The following RANBP17 variants were observed in gnomAD, a reference collection of about 807,000 sequenced individuals.
RANBP17 encodes RAN binding protein 17.
A neutral mutation model predicts 141.2 loss-of-function variants in RANBP17; 158 were observed. The observed-to-expected ratio is 1.12, with a 90% confidence interval of 0.98 to 1.28. The LOEUF is 1.28. RANBP17 is among the 50% of genes most tolerant of loss of function. The pLI, the probability that RANBP17 is intolerant of heterozygous loss-of-function variation, is 0.00. For missense variants in RANBP17, 1,438 were observed against 1,290.7 expected, an observed-to-expected ratio of 1.11 and a Z score of -1.75; for synonymous variants, 430 against 450.0, an observed-to-expected ratio of 0.96 and a Z score of 0.56.
In RANBP17 at chr5:171,265,750, CA is replaced by C. The variant is rs867879457; in HGVS notation, c.2850del (p.Glu951ArgfsTer32). On this transcript the variant is annotated frameshift_variant, in exon 25 of 28. Coordinates refer to ENST00000523189, the MANE Select transcript of RANBP17 (RefSeq NM_022897.5). LOFTEE classifies it high-confidence loss of function. ...YIVTYLFKHIAKEGKKPLRCR... is the reference protein window; with the variant it reads ...YIVTYLFKHIXKEGKKPLRCR... ...GTCACCTACCTCTTCAAGCACATAG[CA>C]AAAGAGGGCAAGAAGCCACTTCGAT... 8.7e-6 allele frequency: 14 copies of C among 1,613,914 alleles called. No individual in the cohort carries two copies. The highest frequency in any genetic ancestry group is 1.3e-5 in the African/African-American group (1 of 74,902).
chr5:171,006,494 G>T (rs1472566460), intron 14 of RANBP17, among the ~76,000 whole-genome samples: 1 of 151,958 alleles, frequency 6.6e-6, no homozygotes, highest in Non-Finnish European at 1.5e-5. Context: ...ACTATCGCAA[G>T]GACAAAAAAC....
chr5:171,059,479 T>C (rs1333630899), intron 14 of RANBP17, among the ~76,000 whole-genome samples: 122 of 152,036 alleles, frequency 8.0e-4, no homozygotes, highest in Admixed American at 2.0e-3. Context: ...GTTGTAGATA[T>C]GCAGCGTTAT....
chr5:170,920,511 CTTT>C lies in RANBP17; in HGVS notation c.1274+909_1274+911del, dbSNP rs35922124. Among the ~76,000 whole-genome samples, 15 of 144,834 alleles carry C rather than the reference CTTT, an allele frequency of 1.0e-4. No individual in the cohort carries two copies. In the East Asian group the frequency reaches 3.0e-3, roughly 29 times the overall value. ...ATTTTTTAATTGGGTTGTATATTTTCTTTTTTTTTTTTTATATTGAGATTTGAG... is the reference window on the plus strand; with the variant it reads ...ATTTTTTAATTGGGTTGTATATTTTCTTTTTTTTTTATATTGAGATTTGAG... On this transcript the variant is annotated intron_variant, in intron 11 of 27. Transcript: ENST00000523189.
At chr5:171,055,410 A>C (rs1783276214) in intron 14 of RANBP17, among the ~76,000 whole-genome samples, 1 of 152,176 alleles carries the variant, frequency 6.6e-6, no homozygotes, top group Non-Finnish European at 1.5e-5. Flanking sequence ...TCCCATTTTT[A>C]TTAAAGACAA....
At chr5:171,182,270 A>G (rs1215005504) in intron 16 of RANBP17, among the ~76,000 whole-genome samples, 1 of 152,238 alleles carries the variant, frequency 6.6e-6, no homozygotes, top group Non-Finnish European at 1.5e-5. Flanking sequence ...AAAACACATG[A>G]CTATGGTAGA....
At chr5:170,907,222 T>G (rs1232122169) in intron 5 of RANBP17, among the ~76,000 whole-genome samples, 1 of 151,898 alleles carries the variant, frequency 6.6e-6, no homozygotes, top group Non-Finnish European at 1.5e-5. Context: ...CTGGAGTATA[T>G]TCACTATCCA....
chr5:171,298,725 C>T, intron 27 of RANBP17, 37 bp from the exon 28 acceptor site: 11 of 1,533,412 alleles, frequency 7.2e-6, no homozygotes, highest in Middle Eastern at 1.7e-4. Flanking sequence ...GGCTTTGCCT[C>T]ATTACTACCC....
intron 14 of RANBP17, among the ~76,000 whole-genome samples, chr5:171,013,457 G>C (rs992298842): frequency 1.3e-5 from 2 of 152,096 alleles, no homozygotes; most frequent in Non-Finnish European, 2.9e-5. Flanking sequence ...TCATTTCTCA[G>C]CCTGTTCTAG....
At chr5:171,030,673 A>G (rs559541621) in intron 14 of RANBP17, among the ~76,000 whole-genome samples, 2 of 152,180 alleles carry the variant, frequency 1.3e-5, no homozygotes, top group East Asian at 3.9e-4. Context: ...TAGAAATCTC[A>G]ACATTAAACC....
At chr5:171,280,519 A>T (rs190814741) in intron 25 of RANBP17, among the ~76,000 whole-genome samples, 414 of 152,216 alleles carry the variant, frequency 2.7e-3, no homozygotes, top group Non-Finnish European at 3.9e-3. Flanking sequence ...AGCTGAAGTG[A>T]TCCACCCACC....
intron 12 of RANBP17, 89 bp from the exon 13 acceptor site, chr5:170,953,508 A>T: frequency 1.3e-6 from 1 of 768,668 alleles, no homozygotes; most frequent in African/African-American, 1.8e-5. Context: ...GGAAGAACAG[A>T]TCATTGTGCT....
chr5:170,960,807 C>T (rs1412213717), intron 13 of RANBP17, among the ~76,000 whole-genome samples: 1 of 152,212 alleles, frequency 6.6e-6, no homozygotes. Flanking sequence ...CTGGCTCCTG[C>T]CTGTCCCATT....
At chr5:170,967,290 A>G (rs956528009) in intron 13 of RANBP17, among the ~76,000 whole-genome samples, 3 of 152,086 alleles carry the variant, frequency 2.0e-5, no homozygotes, top group Non-Finnish European at 4.4e-5. Flanking sequence ...CATATAAACT[A>G]TTAATAATGT....
intron 14 of RANBP17, among the ~76,000 whole-genome samples, chr5:171,119,511 G>A (rs1755870566): frequency 6.6e-6 from 1 of 152,074 alleles, no homozygotes; most frequent in South Asian, 2.1e-4. Context: ...TTTCTTTGTT[G>A]GGACTTCAGT....
chr5:171,264,471 G>A (rs1433851148), intron 24 of RANBP17, among the ~76,000 whole-genome samples: 1 of 152,152 alleles, frequency 6.6e-6, no homozygotes, highest in Non-Finnish European at 1.5e-5. Context: ...TACCTTGGCT[G>A]TGCAGTCTTC....
rs199768828 is a variant in RANBP17, at chr5:171,183,349, A to G, written c.1957A>G (p.Ser653Gly). Residue 653 changes from serine (S) to glycine (G), a missense_variant, in exon 18 of 28, where the codon AGT (serine) becomes GGT (glycine). By Grantham distance (56) the Ser-to-Gly change is moderately conservative (BLOSUM62 0). Transcript: ENST00000523189. ...TGAACACTTCCCTTTTCTTGGCATC[A>G]GTGACAATCATAGTCTCAGCGACTT... ...TSEHFPFLGI[S>G]DNHSLSDFRC... The G allele has an allele frequency of 1.7e-5, 28 of 1,613,938 alleles. No individual in the cohort carries two copies. The highest frequency in any genetic ancestry group is 2.2e-5 in the Non-Finnish European group (26 of 1,179,924).
intron 14 of RANBP17, among the ~76,000 whole-genome samples, chr5:171,031,669 A>G (rs1326763242): frequency 6.6e-6 from 1 of 152,004 alleles, no homozygotes; most frequent in Non-Finnish European, 1.5e-5. Context: ...AGTGAATGCC[A>G]TTTCATCTAA....
chr5:170,957,103 A>ACACACGCG (rs1453565952), intron 13 of RANBP17, among the ~76,000 whole-genome samples: 56 of 151,162 alleles, frequency 3.7e-4, no homozygotes, highest in South Asian at 6.4e-4. Context: ...ACACACACAC[A>ACACACGCG]CACACGCGCA....
At chr5:171,012,617 TTAAA>T (rs1474259735) in intron 14 of RANBP17, among the ~76,000 whole-genome samples, 3 of 152,190 alleles carry the variant, frequency 2.0e-5, no homozygotes, top group African/African-American at 7.2e-5. Flanking sequence ...GTAGAAATTG[TTAAA>T]TAGTCAATTG....
Sources: allele counts gnomAD v4.1 joint callset (sites outside exome capture counted in the v4.1 genomes callset), GRCh38; gene constraint gnomAD v4.1.1; transcripts MANE v1.5; gene names NCBI Gene and HGNC (gene_info 2026-07-23, HGNC 2026-07-21).